SPATA31H1: variants seen among roughly 807,000 people sequenced by gnomAD.
SPATA31H1 encodes the protein SPATA31 subfamily H member 1.
chr2:27,546,489 G>A, the SPATA31H1 span, among the ~76,000 whole-genome samples: 1 of 151,958 alleles, frequency 6.6e-6, no homozygotes, highest in Admixed American at 6.5e-5. Context: ...CAAAATGTAA[G>A]GAACACCAAA....
chr2:27,548,051 G>A, the SPATA31H1 span, among the ~76,000 whole-genome samples: 10 of 139,434 alleles, frequency 7.2e-5, no homozygotes, highest in Non-Finnish European at 1.2e-4. Flanking sequence ...GCACAGTCTC[G>A]GCTCACTGCA....
chr2:27,562,568 C>G, the SPATA31H1 span, among the ~76,000 whole-genome samples: 1 of 147,646 alleles, frequency 6.8e-6, no homozygotes, highest in Non-Finnish European at 1.5e-5. Context: ...GACACACACA[C>G]ACATATATAT....
the SPATA31H1 span, chr2:27,576,511 G>C: frequency 1.1e-5 from 14 of 1,300,250 alleles, no homozygotes; most frequent in East Asian, 2.9e-4. Flanking sequence ...TCATGCTTTG[G>C]GTCACAATGC....
chr2:27,547,468 C>A, the SPATA31H1 span, among the ~76,000 whole-genome samples: 2 of 151,998 alleles, frequency 1.3e-5, no homozygotes, highest in Non-Finnish European at 2.9e-5. Flanking sequence ...AGCCACCAGG[C>A]CTGGTCCCAA....
the SPATA31H1 span, chr2:27,574,474 C>T: frequency 7.5e-6 from 3 of 398,332 alleles, no homozygotes; most frequent in African/African-American, 6.2e-5. Context: ...ATAAAATCTT[C>T]TGATCTGATC....
At chr2:27,543,547 CAA>C in the SPATA31H1 span, among the ~76,000 whole-genome samples, 49 of 129,866 alleles carry the variant, frequency 3.8e-4, no homozygotes, top group African/African-American at 6.9e-4. Flanking sequence ...ACTAGGTTGG[CAA>C]AAAAAAAAAA....
At chr2:27,537,505 C>A in the SPATA31H1 span, 1 of 717,218 alleles carries the variant, frequency 1.4e-6, no homozygotes, top group South Asian at 1.5e-5. Flanking sequence ...TTTTATTTGG[C>A]GGCTTTGGAC....
the SPATA31H1 span, chr2:27,576,881 A>C: frequency 9.3e-6 from 15 of 1,614,140 alleles, no homozygotes; most frequent in African/African-American, 1.3e-4. Flanking sequence ...AAAGAGTGAA[A>C]TATGGGGAGC....
chr2:27,546,491 A>G, the SPATA31H1 span, among the ~76,000 whole-genome samples: 1 of 152,088 alleles, frequency 6.6e-6, no homozygotes, highest in African/African-American at 2.4e-5. Context: ...AAATGTAAGG[A>G]ACACCAAAAA....
chr2:27,538,867 C>T, the SPATA31H1 span, among the ~76,000 whole-genome samples: 904 of 151,950 alleles, frequency 5.9e-3, 10 homozygotes, highest in African/African-American at 0.021. Flanking sequence ...AATTAATTCC[C>T]CAAGTATTTA....
the SPATA31H1 span, among the ~76,000 whole-genome samples, chr2:27,544,763 G>T: frequency 6.6e-6 from 1 of 151,808 alleles, no homozygotes; most frequent in Non-Finnish European, 1.5e-5. Flanking sequence ...GGTCAGGCTG[G>T]TCTTGAACTC....
chr2:27,561,980 C>T, the SPATA31H1 span, among the ~76,000 whole-genome samples: 5 of 152,308 alleles, frequency 3.3e-5, no homozygotes, highest in Admixed American at 6.5e-5. Context: ...GGATTACAGG[C>T]GTGAGTCACT....
At chr2:27,550,153 C>G in the SPATA31H1 span, among the ~76,000 whole-genome samples, 1 of 150,794 alleles carries the variant, frequency 6.6e-6, no homozygotes, top group East Asian at 1.9e-4. Context: ...TATACCTTTT[C>G]TTTTTCTTGT....
the SPATA31H1 span, chr2:27,581,639 C>T: frequency 6.2e-7 from 1 of 1,612,942 alleles, no homozygotes. Flanking sequence ...ATTGCAGTCC[C>T]TCTGAGAGAA....
the SPATA31H1 span, chr2:27,572,437 C>T: frequency 2.5e-6 from 1 of 398,100 alleles, no homozygotes; most frequent in Non-Finnish European, 4.4e-6. Flanking sequence ...TTGAAACTTT[C>T]CATACAGTTG....
At chr2:27,567,018 C>A in the SPATA31H1 span, 16 of 717,516 alleles carry the variant, frequency 2.2e-5, no homozygotes, top group Admixed American at 2.6e-4. Flanking sequence ...CAGAACCCTG[C>A]CTCTTTTTCA....
chr2:27,545,964 G>A, the SPATA31H1 span, among the ~76,000 whole-genome samples: 1 of 151,968 alleles, frequency 6.6e-6, no homozygotes, highest in African/African-American at 2.4e-5. Flanking sequence ...AACTTCTCAT[G>A]TTTATTGGCC....
At chr2:27,551,063 T>C in the SPATA31H1 span, among the ~76,000 whole-genome samples, 1 of 151,872 alleles carries the variant, frequency 6.6e-6, no homozygotes, top group Admixed American at 6.6e-5. Context: ...TAAGTTTTTG[T>C]ATTTTTAGTA....
At chr2:27,578,996 G>A in the SPATA31H1 span, 1 of 1,614,114 alleles carries the variant, frequency 6.2e-7, no homozygotes, top group Non-Finnish European at 8.5e-7. Flanking sequence ...CTAACATTGT[G>A]GAAAACCCAT....
Sources: gnomAD v4.1 joint callset for allele counts (sites outside exome capture counted in the v4.1 genomes callset) on GRCh38, gnomAD v4.1.1 for gene constraint, MANE v1.5 for transcripts, NCBI Gene and HGNC (gene_info 2026-07-23, HGNC 2026-07-21) for gene names.